Variants in BABAM2 observed in about 807,000 individuals in gnomAD.
BABAM2 encodes the protein BRISC and BRCA1 A complex member 2, also known as BRISC and BRCA1-A complex member 2.
Under a neutral mutation model 54.7 loss-of-function variants are expected in BABAM2, and 31 were observed. The ratio of observed to expected loss-of-function variants is 0.57; its 90% CI spans 0.43 to 0.77. The LOEUF is 0.77. Among genes scored for constraint, BABAM2 ranks in the 30% least tolerant of loss-of-function variants. BABAM2 has a pLI of 0.00. For missense variants in BABAM2, 364 were observed against 455.8 expected (o/e 0.80, Z 1.83); for synonymous variants, 167 against 162.9 (o/e 1.03, Z -0.19).
At chr2:28,152,926 T>C (rs368812874) in intron 7 of BABAM2, among the ~76,000 whole-genome samples, 67 of 152,316 alleles carry the variant, frequency 4.4e-4, no homozygotes, top group African/African-American at 1.4e-3. Flanking sequence ...TTTAATTTAG[T>C]TGGGGGCTGG....
intron 7 of BABAM2, among the ~76,000 whole-genome samples, chr2:28,205,888 G>A (rs1287316559): frequency 6.6e-6 from 1 of 152,148 alleles, no homozygotes. Flanking sequence ...CAATACTTCA[G>A]CTTTTAAAAT....
chr2:28,297,941 T>C (rs996111386), intron 10 of BABAM2, among the ~76,000 whole-genome samples: 1 of 152,204 alleles, frequency 6.6e-6, no homozygotes, highest in East Asian at 1.9e-4. Flanking sequence ...TATGTTATAA[T>C]AGACACTTAA....
At chr2:28,308,415 C>T (rs2148272186) in intron 11 of BABAM2, 5 of 520,552 alleles carry the variant, frequency 9.6e-6, no homozygotes, top group South Asian at 7.0e-5. Flanking sequence ...ACTGAGTCAG[C>T]CATGAAGAAG....
At chr2:27,890,682 G>A (rs1664738547), upstream of BABAM2, 1 of 188,204 alleles carries the variant, frequency 5.3e-6, no homozygotes, top group Non-Finnish European at 1.1e-5. The surrounding 1 kb of genome is among the most constrained non-coding windows in gnomAD (Gnocchi z 4.8). Context: ...GGGCGCGCAC[G>A]CCGCCCAGCT....
chr2:28,110,624 A>C (rs1272926078), intron 6 of BABAM2, among the ~76,000 whole-genome samples: 2 of 151,166 alleles, frequency 1.3e-5, no homozygotes, highest in East Asian at 1.9e-4. Flanking sequence ...ACTCCATCTC[A>C]AAAAAAAATA....
chr2:28,038,186 C>T lies in BABAM2; in HGVS notation c.496-7539C>T, dbSNP rs114561889. 6.9e-3 allele frequency among the ~76,000 whole-genome samples: 1,048 copies of T among 152,118 alleles called. 6 individuals carry two copies. Among genetic ancestry groups the T allele is most frequent in the Non-Finnish European group, 0.011 (715 of 67,978 alleles). ...AAAATTATGCTTTATGTACAGTTCCCTCTCACTGCTTTTCTTCTTTAGACT... is the reference window on the plus strand; with the variant it reads ...AAAATTATGCTTTATGTACAGTTCCTTCTCACTGCTTTTCTTCTTTAGACT... On this transcript the variant is annotated intron_variant, in intron 5 of 11. Transcript: ENST00000379624.
intron 2 of BABAM2, among the ~76,000 whole-genome samples, chr2:27,910,707 G>A (rs557313989): frequency 1.3e-5 from 2 of 152,190 alleles, no homozygotes; most frequent in Non-Finnish European, 2.9e-5. Context: ...GGCTTCGTTT[G>A]TTCAGCGTTA....
intron 2 of BABAM2, among the ~76,000 whole-genome samples, chr2:27,915,569 G>A (rs964875924): frequency 1.3e-5 from 2 of 152,158 alleles, no homozygotes; most frequent in African/African-American, 2.4e-5. Context: ...CCAAAAATAC[G>A]TGGATGGCAC....
At chr2:28,080,132 A>G (rs544487726) in intron 6 of BABAM2, among the ~76,000 whole-genome samples, 105 of 152,250 alleles carry the variant, frequency 6.9e-4, no homozygotes, top group African/African-American at 2.5e-3. Context: ...TAGATTTTTA[A>G]AAGTAGTTAA....
At chr2:28,071,481 G>A (rs550099027) in intron 6 of BABAM2, among the ~76,000 whole-genome samples, 1 of 152,202 alleles carries the variant, frequency 6.6e-6, no homozygotes, top group Non-Finnish European at 1.5e-5. Flanking sequence ...TGGTGGTGAT[G>A]TGTTCTTTTA....
chr2:28,230,316 G>A (rs1018391947), intron 7 of BABAM2, among the ~76,000 whole-genome samples: 9 of 152,100 alleles, frequency 5.9e-5, no homozygotes, highest in Non-Finnish European at 1.0e-4. Flanking sequence ...TTGTTTAACT[G>A]AAGGACTGAC....
intron 7 of BABAM2, among the ~76,000 whole-genome samples, chr2:28,191,165 G>A (rs915138333): frequency 3.3e-5 from 5 of 152,152 alleles, no homozygotes; most frequent in African/African-American, 4.8e-5. Flanking sequence ...GAACAAATAC[G>A]TAGTCATTGG....
At chr2:27,930,147 G>A (rs573977552) in intron 3 of BABAM2, 5 of 405,458 alleles carry the variant, frequency 1.2e-5, no homozygotes, top group African/African-American at 6.2e-5. Flanking sequence ...AGGCATGCCC[G>A]GTAATTTTTA....
At chr2:28,020,008 A>G (rs1323273827) in intron 4 of BABAM2, among the ~76,000 whole-genome samples, 1 of 152,206 alleles carries the variant, frequency 6.6e-6, no homozygotes, top group Non-Finnish European at 1.5e-5. Context: ...TGGCTAAGGA[A>G]AGCACAATAA....
chr2:28,275,267 T>C (rs1685779033), intron 10 of BABAM2, among the ~76,000 whole-genome samples: 1 of 152,252 alleles, frequency 6.6e-6, no homozygotes, highest in South Asian at 2.1e-4. Context: ...TTTCTAGGCC[T>C]GTTGGTATTA....
chr2:28,157,577 T>C (rs1672666662), intron 7 of BABAM2, among the ~76,000 whole-genome samples: 1 of 152,172 alleles, frequency 6.6e-6, no homozygotes, highest in African/African-American at 2.4e-5. Flanking sequence ...TCAATCAAGT[T>C]TGGACCCAAA....
chr2:28,218,890 G>T (rs949291974), intron 7 of BABAM2, among the ~76,000 whole-genome samples: 1 of 152,046 alleles, frequency 6.6e-6, no homozygotes, highest in South Asian at 2.1e-4. Flanking sequence ...GGGATTTATT[G>T]ATTCTGTTTT....
intron 7 of BABAM2, among the ~76,000 whole-genome samples, chr2:28,162,654 C>T (rs533688722): frequency 1.4e-3 from 217 of 152,342 alleles, no homozygotes; most frequent in African/African-American, 4.9e-3. Context: ...TGCTCTTCCT[C>T]GCACACTAGA....
chr2:27,904,882 A>G (rs1399518707), intron 2 of BABAM2, among the ~76,000 whole-genome samples: 2 of 152,208 alleles, frequency 1.3e-5, no homozygotes, highest in Non-Finnish European at 2.9e-5. Flanking sequence ...AGAAGGTAAA[A>G]CAAGAAAATA....
Sources: allele counts gnomAD v4.1 joint callset (sites outside exome capture counted in the v4.1 genomes callset), GRCh38; gene constraint gnomAD v4.1.1; non-coding constraint Gnocchi (gnomAD v3.1); transcripts MANE v1.5; gene names NCBI Gene and HGNC (gene_info 2026-07-23, HGNC 2026-07-21).